CTSC: variants seen among roughly 807,000 people sequenced by gnomAD.
CTSC encodes cathepsin C, also known as dipeptidyl peptidase 1.
In CTSC, 37 loss-of-function variants were observed where a neutral mutation model predicts 40.9. The observed-to-expected ratio is 0.91, with a 90% CI of 0.70 to 1.19. The LOEUF is 1.19. Ranked by LOEUF, CTSC falls within the 50% of genes most tolerant of loss-of-function variation. The pLI, the probability that CTSC is intolerant of heterozygous loss-of-function variation, is 0.00. For missense variants in CTSC, 594 were observed against 567.3 expected, an observed-to-expected ratio of 1.05 and a Z score of -0.48; for synonymous variants, 232 against 207.4, an observed-to-expected ratio of 1.12 and a Z score of -1.02.
At chr11:88,296,980 G>T in intron 5 of CTSC, 1 of 153,672 alleles carries the variant, frequency 6.5e-6, no homozygotes, top group Admixed American at 6.4e-5. Flanking sequence ...AAAAGCACTT[G>T]GAAGAAGGAC....
At chr11:88,317,916 T>A (rs1325344535) in intron 2 of CTSC, among the ~76,000 whole-genome samples, 2 of 152,234 alleles carry the variant, frequency 1.3e-5, no homozygotes, top group African/African-American at 4.8e-5. Flanking sequence ...TCAATAACTA[T>A]CCATTTGCTT....
intron 2 of CTSC, chr11:88,328,119 G>T (rs1233971984): frequency 1.2e-6 from 2 of 1,611,900 alleles, no homozygotes; most frequent in Non-Finnish European, 8.5e-7. Flanking sequence ...CACCCAGTTT[G>T]TTCCTCAGAT....
intron 1 of CTSC, 59 bp from the exon 2 acceptor site, chr11:88,335,141 A>G: frequency 9.1e-7 from 1 of 1,103,004 alleles, no homozygotes; most frequent in Non-Finnish European, 1.4e-6. Flanking sequence ...AATAGGGGAA[A>G]GAATCCCCCA....
intron 2 of CTSC, among the ~76,000 whole-genome samples, chr11:88,326,860 C>G (rs541966709): frequency 6.6e-6 from 1 of 152,148 alleles, no homozygotes; most frequent in African/African-American, 2.4e-5. Context: ...CAACAAATTA[C>G]CAGGGTTTAT....
chr11:88,314,337 A>C (rs1188376476), intron 2 of CTSC, among the ~76,000 whole-genome samples: 1 of 152,188 alleles, frequency 6.6e-6, no homozygotes, highest in East Asian at 1.9e-4. Context: ...CTTAAAGTTA[A>C]AATTACCTTA....
At chr11:88,309,068 A>G (rs1265733300) in intron 4 of CTSC, 95 bp downstream of exon 4, 2 of 1,104,312 alleles carry the variant, frequency 1.8e-6, no homozygotes, top group Non-Finnish European at 2.7e-6. Context: ...GGGATGACCA[A>G]TAAAATGGCG....
chr11:88,331,042 T>C (rs1938340908), intron 2 of CTSC, among the ~76,000 whole-genome samples: 1 of 152,186 alleles, frequency 6.6e-6, no homozygotes, highest in African/African-American at 2.4e-5. Flanking sequence ...AAGAATGCTG[T>C]GGTGTGGAAA....
chr11:88,336,788 G>A (rs1020407962), intron 1 of CTSC, among the ~76,000 whole-genome samples: 1 of 152,082 alleles, frequency 6.6e-6, no homozygotes, highest in Admixed American at 6.5e-5. Flanking sequence ...TTGTTCTAGG[G>A]GTAACCATGT....
chr11:88,325,364 CA>C, intron 2 of CTSC: 1 of 985,410 alleles, frequency 1.0e-6, no homozygotes, highest in Middle Eastern at 5.2e-4. Context: ...AGCTTCAAGG[CA>C]GTTCTTCTCT....
rs1203136069 is a variant in CTSC at position 88,296,113 on chromosome 11, G to A, written c.889+20C>T. ...CACAGGTAAATAGCTCATAAATGGT[G>A]TCTGAAATGCAACACTTACCTTGAG... On this transcript the variant is annotated intron_variant, in intron 6 of 6. Transcript: ENST00000227266. The A allele has an allele frequency of 1.2e-6, 2 of 1,612,972 alleles. No homozygotes were observed. Among genetic ancestry groups the A allele is most frequent in the Non-Finnish European group, 1.7e-6 (2 of 1,179,170 alleles).
chr11:88,307,193 C>G (rs1319881580), intron 4 of CTSC, among the ~76,000 whole-genome samples: 1 of 152,178 alleles, frequency 6.6e-6, no homozygotes, highest in African/African-American at 2.4e-5. Flanking sequence ...GAATTTGAGG[C>G]TATTTCAATG....
At chr11:88,324,361 A>G (rs866591419) in intron 2 of CTSC, 10 of 981,852 alleles carry the variant, frequency 1.0e-5, no homozygotes, top group Non-Finnish European at 1.2e-5. Context: ...TGCTTTGGTT[A>G]TATTTACATC....
chr11:88,302,315 A>G lies in CTSC; in HGVS notation c.642-1670T>C, dbSNP rs536533218. Among the ~76,000 whole-genome samples, 20 of 152,274 alleles carry G rather than the reference A, an allele frequency of 1.3e-4. No homozygotes were observed. The South Asian group carries it at 2.5e-3, about 19-fold the overall frequency. ...CCGTCTCTCACAGCTTCTCTTAGAT[A>G]TAACACAGGTTAAGAATACATGACA... On this transcript the variant is annotated intron_variant, in intron 4 of 6. Transcript: ENST00000227266.
At chr11:88,334,060 T>C (rs922493270) in intron 2 of CTSC, among the ~76,000 whole-genome samples, 1 of 152,264 alleles carries the variant, frequency 6.6e-6, no homozygotes, top group Non-Finnish European at 1.5e-5. Context: ...CTTTGTCTTT[T>C]ATCATATTTA....
intron 3 of CTSC, among the ~76,000 whole-genome samples, chr11:88,310,827 A>G (rs1937738498): frequency 6.6e-6 from 1 of 152,216 alleles, no homozygotes; most frequent in Non-Finnish European, 1.5e-5. Flanking sequence ...TAAATAAAAT[A>G]CTTTTGAGAT....
At chr11:88,307,876 C>G (rs1055675304) in intron 4 of CTSC, among the ~76,000 whole-genome samples, 1 of 152,072 alleles carries the variant, frequency 6.6e-6, no homozygotes, top group African/African-American at 2.4e-5. Context: ...ACGGCCTACA[C>G]AGAACTGATT....
intron 5 of CTSC, chr11:88,298,066 G>T (rs1944317247): frequency 6.6e-6 from 1 of 152,074 alleles, no homozygotes; most frequent in African/African-American, 2.4e-5. Context: ...TTTTGACACT[G>T]TTTTTTTCTT....
In CTSC at chr11:88,309,167, G is replaced by C; in HGVS notation, c.637C>G (p.Pro213Ala). The part of the protein sequence containing the change: ...RRSGGHSRKI[P>A]RPKPAPLTAE... Reference sequence around the variant, plus strand: ...ATAAAATGTGTGCTTGATTACCTTGGGATTTTTCGACTGTGGCCACCACTT... The same window carrying C: ...ATAAAATGTGTGCTTGATTACCTTGCGATTTTTCGACTGTGGCCACCACTT... The change falls in exon 4 of 7, where the codon CCA becomes GCA. Residue 213 changes from proline to alanine, a missense_variant. Coordinates refer to ENST00000227266, the MANE Select transcript of CTSC (RefSeq NM_001814.6). 6.2e-7 allele frequency: 1 copy of C among 1,613,646 alleles called. No individual in the cohort carries two copies. Among genetic ancestry groups the C allele is most frequent in the Non-Finnish European group, 8.5e-7 (1 of 1,179,692 alleles).
Position 88,335,906 on chromosome 11 carries a change from A to T in CTSC, c.173-824T>A, listed in dbSNP as rs574391505. On this transcript the variant is annotated intron_variant, in intron 1 of 6. Coordinates refer to ENST00000227266, the MANE Select transcript of CTSC (RefSeq NM_001814.6). ...GTACCTTTCTCCTCAAAGGCTCTAC[A>T]GTTTAGAACCTCATAATCTGAATCC... Among the ~76,000 whole-genome samples, 12 of 152,322 alleles carry T rather than the reference A, an allele frequency of 7.9e-5. No individual in the cohort carries two copies. The South Asian group carries it at 2.5e-3, about 32-fold the overall frequency.
Sources: allele counts gnomAD v4.1 joint callset (sites outside exome capture counted in the v4.1 genomes callset), GRCh38; gene constraint gnomAD v4.1.1; transcripts MANE v1.5; gene names NCBI Gene and HGNC (gene_info 2026-07-23, HGNC 2026-07-21).